NRG1: variants seen among roughly 807,000 people sequenced by gnomAD.
NRG1 encodes pro-neuregulin-1, membrane-bound isoform.
A neutral mutation model predicts 63.8 loss-of-function variants in NRG1; 18 were observed. The observed-to-expected ratio is 0.28, with a 90% CI of 0.19 to 0.42. The LOEUF (loss-of-function observed/expected upper bound fraction) is 0.42. Ranked by LOEUF, NRG1 falls within the 10% of genes least tolerant of loss-of-function variation. The probability of loss-of-function intolerance (pLI) is 1.00; values close to 1 mark genes in which losing one functional copy is unlikely to be tolerated. For missense variants in NRG1, 762 were observed against 814.7 expected (o/e 0.94, Z 0.79); for synonymous variants, 302 against 301.3 (o/e 1.00, Z -0.02).
chr8:32,385,280 C>T lies in NRG1; in HGVS notation c.38-210548C>T, dbSNP rs189625567. 2.5e-4 allele frequency among the ~76,000 whole-genome samples: 38 copies of T among 152,272 alleles called. No individual in the cohort carries two copies. The East Asian group carries it at 5.8e-3, about 23-fold the overall frequency. On this transcript the variant is annotated intron_variant, in intron 1 of 10. Transcript: ENST00000519301. Reference sequence around the variant, plus strand: ...TGACTCGTGATCCACCCGCCTTGGCCTCCCAAAGTGCTGGGATTACAGGCG... The same window carrying T: ...TGACTCGTGATCCACCCGCCTTGGCTTCCCAAAGTGCTGGGATTACAGGCG...
At chr8:31,848,010 A>T (rs950730803) in intron 1 of NRG1, among the ~76,000 whole-genome samples, 1 of 152,218 alleles carries the variant, frequency 6.6e-6, no homozygotes, top group African/African-American at 2.4e-5. Context: ...AAATACTTTC[A>T]TTCTAGACAC....
intron 1 of NRG1, among the ~76,000 whole-genome samples, chr8:32,235,215 G>C (rs1217397126): frequency 2.1e-5 from 2 of 93,558 alleles, no homozygotes; most frequent in Non-Finnish European, 3.8e-5. Context: ...GCAATATGAT[G>C]AAACCTAATC....
chr8:32,217,168 G>A (rs1017486650), intron 1 of NRG1, among the ~76,000 whole-genome samples: 4 of 138,356 alleles, frequency 2.9e-5, no homozygotes, highest in Admixed American at 2.4e-4. Flanking sequence ...AGCCAAGATC[G>A]AGCCACTGAA....
chr8:32,080,572 G>C (rs762355387), intron 1 of NRG1, among the ~76,000 whole-genome samples: 1 of 152,158 alleles, frequency 6.6e-6, no homozygotes, highest in Admixed American at 6.5e-5. Flanking sequence ...CTATATAAGA[G>C]AGGCTCCTTC....
intron 1 of NRG1, among the ~76,000 whole-genome samples, chr8:32,271,047 C>T (rs1424123798): frequency 6.6e-6 from 1 of 152,064 alleles, no homozygotes; most frequent in African/African-American, 2.4e-5. Context: ...TGTTTTGGGG[C>T]CTTTTTGCCC....
chr8:32,145,470 T>C (rs1471418735), intron 1 of NRG1, among the ~76,000 whole-genome samples: 1 of 152,202 alleles, frequency 6.6e-6, no homozygotes, highest in Non-Finnish European at 1.5e-5. Context: ...CAATACTCAG[T>C]CTAGAACATA....
At chr8:32,408,902 T>G (rs1215007268) in intron 1 of NRG1, among the ~76,000 whole-genome samples, 1 of 152,154 alleles carries the variant, frequency 6.6e-6, no homozygotes, top group Non-Finnish European at 1.5e-5. Context: ...CCTCCCATCT[T>G]TCTGAGTCTC....
intron 1 of NRG1, among the ~76,000 whole-genome samples, chr8:32,313,363 A>G (rs996041297): frequency 1.3e-5 from 2 of 152,132 alleles, no homozygotes; most frequent in Non-Finnish European, 2.9e-5. Context: ...GCCACTACTC[A>G]GCTGTCCCAG....
chr8:31,817,094 C>T (rs1297723987), intron 1 of NRG1, among the ~76,000 whole-genome samples: 2 of 152,168 alleles, frequency 1.3e-5, no homozygotes, highest in African/African-American at 4.8e-5. Flanking sequence ...GCAGTGCTTG[C>T]ATAAAGTCTC....
intron 1 of NRG1, among the ~76,000 whole-genome samples, chr8:31,767,418 T>C (rs1056254284): frequency 6.6e-6 from 1 of 152,224 alleles, no homozygotes; most frequent in Non-Finnish European, 1.5e-5. Context: ...TATCCCAGTG[T>C]TGTATGTATG....
chr8:32,233,789 T>G (rs1005612247), intron 1 of NRG1, among the ~76,000 whole-genome samples: 1 of 151,850 alleles, frequency 6.6e-6, no homozygotes, highest in Admixed American at 6.6e-5. Flanking sequence ...GGCCTCGATC[T>G]CTTGATCTCG....
intron 1 of NRG1, among the ~76,000 whole-genome samples, chr8:32,019,265 A>G (rs1023503811): frequency 1.3e-5 from 2 of 152,064 alleles, no homozygotes; most frequent in Non-Finnish European, 2.9e-5. Context: ...GGCCCGGCTA[A>G]TTTTTTGTAT....
intron 1 of NRG1, among the ~76,000 whole-genome samples, chr8:32,500,825 A>C (rs1159066171): frequency 6.6e-6 from 1 of 152,250 alleles, no homozygotes; most frequent in Non-Finnish European, 1.5e-5. Context: ...GGTTTCAATC[A>C]AAAAGGCCAT....
chr8:32,410,157 G>A (rs1483530835), intron 1 of NRG1, among the ~76,000 whole-genome samples: 2 of 148,688 alleles, frequency 1.3e-5, no homozygotes, highest in Admixed American at 6.7e-5. Flanking sequence ...CTGCCCTAAG[G>A]AAAGGATCTT....
intron 1 of NRG1, among the ~76,000 whole-genome samples, chr8:31,702,783 G>A: frequency 6.6e-6 from 1 of 151,906 alleles, no homozygotes; most frequent in Non-Finnish European, 1.5e-5. Context: ...AAATCTTATT[G>A]TCACACCCCA....
At chr8:32,131,938 A>G (rs1343314327) in intron 1 of NRG1, among the ~76,000 whole-genome samples, 1 of 152,108 alleles carries the variant, frequency 6.6e-6, no homozygotes, top group African/African-American at 2.4e-5. Context: ...AAACAGACAG[A>G]CAAACAAAAA....
intron 1 of NRG1, among the ~76,000 whole-genome samples, chr8:31,934,422 T>C (rs7822162): frequency 0.023 from 295 of 12,556 alleles, 11 homozygotes; most frequent in Middle Eastern, 0.1. Context: ...TTCGCTCTCT[T>C]TTTTTTTTTT....
rs1832518264 is a variant in NRG1 at position 31,906,330 on chromosome 8, G to A, written c.37+266899G>A. On this transcript the variant is annotated intron_variant, in intron 1 of 10. Coordinates refer to the NRG1 transcript ENST00000519301. Reference sequence around the variant, plus strand: ...TGATCAGAGAAAGATCTAGGTGCATGGCCTCATCTCAGAAATGAAAATCCT... The same window carrying A: ...TGATCAGAGAAAGATCTAGGTGCATAGCCTCATCTCAGAAATGAAAATCCT... Among the ~76,000 whole-genome samples the A allele has an allele frequency of 2.0e-5, 3 of 152,254 alleles. No homozygotes were observed. The South Asian group carries it at 6.2e-4, about 32-fold the overall frequency.
chr8:32,323,716 C>G (rs1801682636), intron 1 of NRG1, among the ~76,000 whole-genome samples: 1 of 152,198 alleles, frequency 6.6e-6, no homozygotes, highest in Non-Finnish European at 1.5e-5. Flanking sequence ...CTTTAGCTCT[C>G]TAATCTAGAA....
Sources: allele counts gnomAD v4.1 joint callset (sites outside exome capture counted in the v4.1 genomes callset), GRCh38; gene constraint gnomAD v4.1.1; transcripts MANE v1.5; gene names NCBI Gene and HGNC (gene_info 2026-07-23, HGNC 2026-07-21).